CTDSP2: variants seen among roughly 807,000 people sequenced by gnomAD.
CTDSP2 encodes carboxy-terminal domain RNA polymerase II polypeptide A small phosphatase 2.
Under a neutral mutation model 31.6 loss-of-function variants are expected in CTDSP2, and 9 were observed. The observed-to-expected ratio is 0.28, with a 90% CI of 0.17 to 0.50. The LOEUF (loss-of-function observed/expected upper bound fraction) is 0.50. Ranked by LOEUF, CTDSP2 falls within the 20% of genes least tolerant of loss-of-function variation. The pLI, the probability that CTDSP2 is intolerant of heterozygous loss-of-function variation, is 0.98. For missense variants in CTDSP2, 267 were observed against 348.5 expected (o/e 0.77, Z 1.86); for synonymous variants, 134 against 134.5 (o/e 1.00, Z 0.03).
At position 57,821,103 on chromosome 12, in the gene CTDSP2, TAC is replaced by T. The variant is rs1956142234; in HGVS notation, c.*2497_*2498del. Reference sequence around the variant, plus strand: ...CCTGATTCCTTTGAGGAGCAAATTTTACAATCATCCCTCACCCTAACACACGG... The same window carrying T: ...CCTGATTCCTTTGAGGAGCAAATTTTAATCATCCCTCACCCTAACACACGG... On this transcript the variant is annotated 3_prime_UTR_variant, in exon 8 of 8. Transcript: ENST00000398073. 6.6e-6 allele frequency: 1 copy of T among 152,260 alleles called. No individual in the cohort carries two copies. The highest frequency in any genetic ancestry group is 2.1e-4 in the South Asian group (1 of 4,834). 9.4% of individuals were successfully genotyped at this position (152,260 alleles called of 1,614,324 possible).
At chr12:57,843,305 T>C (rs1434172982) in intron 1 of CTDSP2, among the ~76,000 whole-genome samples, 1 of 152,250 alleles carries the variant, frequency 6.6e-6, no homozygotes, top group African/African-American at 2.4e-5. Flanking sequence ...ACAGCCATTC[T>C]TGCCAAGCTG....
chr12:57,829,807 C>G (rs1956204310), intron 1 of CTDSP2, among the ~76,000 whole-genome samples: 1 of 152,214 alleles, frequency 6.6e-6, no homozygotes, highest in African/African-American at 2.4e-5. Context: ...TCCCCACTCT[C>G]TGGCTTGGGA....
chr12:57,831,538 T>C (rs994208487), intron 1 of CTDSP2, among the ~76,000 whole-genome samples: 3 of 152,136 alleles, frequency 2.0e-5, no homozygotes, highest in Admixed American at 6.5e-5. Context: ...AAAGATACAA[T>C]GGTCACTGTG....
At chr12:57,846,294 G>A in intron 1 of CTDSP2, 78 bp downstream of exon 1, 1 of 1,383,938 alleles carries the variant, frequency 7.2e-7, no homozygotes, top group Non-Finnish European at 1.0e-6. Flanking sequence ...GTCAAGGGCC[G>A]AGACCTGGGT....
Position 57,846,575 on chromosome 12 carries a change from G to A in CTDSP2, c.-140C>T. ...CACAGCTGTTCACATCCCCCCTCTCGTTTCCTCCCCGGACCGGGAAGGGAG... is the reference window on the plus strand; with the variant it reads ...CACAGCTGTTCACATCCCCCCTCTCATTTCCTCCCCGGACCGGGAAGGGAG... On this transcript the variant is annotated 5_prime_UTR_variant, in exon 1 of 8. It adds an upstream start codon to the 5' untranslated region. Coordinates refer to ENST00000398073, the MANE Select transcript of CTDSP2 (RefSeq NM_005730.4). 3 of 682,984 alleles carry A rather than the reference G, an allele frequency of 4.4e-6. No homozygotes were observed. Among genetic ancestry groups the A allele is most frequent in the Non-Finnish European group, 6.7e-6 (3 of 446,782 alleles). The allele number at this position is 682,984 out of a possible 1,614,324, so 42.3% of individuals were successfully genotyped here. A position where few individuals can be genotyped will look rare whatever the true frequency, so the allele number is the denominator to read the frequency against.
chr12:57,832,612 T>C (rs367811985), intron 1 of CTDSP2, among the ~76,000 whole-genome samples: 8 of 151,194 alleles, frequency 5.3e-5, no homozygotes, highest in African/African-American at 1.9e-4. Context: ...GCCAACATGG[T>C]GAAACACCGT....
intron 5 of CTDSP2, 155 bp from the exon 6 acceptor site, chr12:57,824,474 C>T: frequency 1.5e-6 from 1 of 680,218 alleles, no homozygotes; most frequent in South Asian, 1.6e-5. Flanking sequence ...CCCCTGAGAC[C>T]CCACAGACCC....
chr12:57,845,640 G>C (rs1372366028), intron 1 of CTDSP2: 1 of 152,408 alleles, frequency 6.6e-6, no homozygotes, highest in East Asian at 1.9e-4. Context: ...GTGCAGCGCC[G>C]GCCCCGGGGG....
In CTDSP2 at chr12:57,829,506, T is replaced by C. The variant is rs373703024; in HGVS notation, c.155A>G (p.Gln52Arg). 20 of 1,614,200 alleles carry C rather than the reference T, an allele frequency of 1.2e-5. No homozygotes were observed. In the African/African-American group the frequency reaches 2.7e-4, roughly 22 times the overall value. ...AGCGAGCTCAGTGGAGGAACTTGAC[T>C]GGCCAACATGCTGGGCGCGAAAACA... ...FCCFRAQHVG[Q>R]SSSSTELAAY... Residue 52 changes from glutamine (Q) to arginine (R), a missense_variant, in exon 2 of 8, where the codon CAG (glutamine) becomes CGG (arginine). Coordinates refer to ENST00000398073, the MANE Select transcript of CTDSP2 (RefSeq NM_005730.4).
At chr12:57,833,590 T>C (rs1474534357) in intron 1 of CTDSP2, among the ~76,000 whole-genome samples, 8 of 152,236 alleles carry the variant, frequency 5.3e-5, no homozygotes, top group Non-Finnish European at 8.8e-5. Context: ...AGGCCTACAA[T>C]GGCCCCAACC....
At chr12:57,839,440 C>T (rs900132442) in intron 1 of CTDSP2, among the ~76,000 whole-genome samples, 3 of 152,182 alleles carry the variant, frequency 2.0e-5, no homozygotes, top group Non-Finnish European at 2.9e-5. Flanking sequence ...AATGTTAGGC[C>T]GGGCACGGTG....
In CTDSP2 at chr12:57,824,251, A is replaced by G. The variant is rs1169848135; in HGVS notation, c.480T>C (p.Val160=). The change falls in exon 6 of 8, where the codon GTT becomes GTC. Residue 160 remains valine, a synonymous_variant. Transcript: ENST00000398073. The part of the protein sequence containing the change: ...LRRMGELFEC[V]LFTASLAKYA... The stretch of plus-strand genomic sequence containing the variant: ...CCTTGGCCAGGCTGGCAGTGAAGAG[A>G]ACACATTCAAAGAGTTCCCCCATGC... 2 of 1,614,008 alleles carry G rather than the reference A, an allele frequency of 1.2e-6. No individual in the cohort carries two copies. Among genetic ancestry groups the G allele is most frequent in the Non-Finnish European group, 1.7e-6 (2 of 1,179,960 alleles).
chr12:57,844,968 A>G (rs1474245432), intron 1 of CTDSP2, among the ~76,000 whole-genome samples: 1 of 145,718 alleles, frequency 6.9e-6, no homozygotes, highest in Admixed American at 6.8e-5. Flanking sequence ...TGACACCACC[A>G]ACTCAGCGGA....
At position 57,846,574 on chromosome 12, in the gene CTDSP2, C is replaced by T. The variant is rs1163049085; in HGVS notation, c.-139G>A. ...CCACAGCTGTTCACATCCCCCCTCT[C>T]GTTTCCTCCCCGGACCGGGAAGGGA... On this transcript the variant is annotated 5_prime_UTR_variant, in exon 1 of 8. Coordinates refer to ENST00000398073, the MANE Select transcript of CTDSP2 (RefSeq NM_005730.4). The T allele has an allele frequency of 4.4e-6, 3 of 683,178 alleles. No individual in the cohort carries two copies. Among genetic ancestry groups the T allele is most frequent in the Non-Finnish European group, 6.7e-6 (3 of 447,036 alleles). 42.3% of individuals were successfully genotyped at this position (683,178 alleles called of 1,614,324 possible). A position where few individuals can be genotyped will look rare whatever the true frequency, so the allele number is the denominator to read the frequency against.
At position 57,820,014 on chromosome 12, in the gene CTDSP2, G is replaced by A. The variant is rs146355634; in HGVS notation, c.*3588C>T. 5.0e-4 allele frequency: 77 copies of A among 152,708 alleles called. 1 individual carries two copies. Among genetic ancestry groups the A allele is most frequent in the African/African-American group, 1.6e-3 (68 of 41,558 alleles). 9.5% of individuals were successfully genotyped at this position (152,708 alleles called of 1,614,324 possible). A position where few individuals can be genotyped will look rare whatever the true frequency, so the allele number is the denominator to read the frequency against. On this transcript the variant is annotated 3_prime_UTR_variant, in exon 8 of 8. Transcript: ENST00000398073. The stretch of plus-strand genomic sequence containing the variant: ...AAAATATAAACAGACACTTAATGGC[G>A]TCCTGCATTTCAAGTTTTTGAATAC...
chr12:57,823,600 G>C lies in CTDSP2; in HGVS notation c.*2C>G. The C allele has an allele frequency of 6.2e-7, 1 of 1,613,766 alleles. No individual in the cohort carries two copies. The highest frequency in any genetic ancestry group is 8.5e-7 in the Non-Finnish European group (1 of 1,179,958). On this transcript the variant is annotated 3_prime_UTR_variant, in exon 8 of 8. Transcript: ENST00000398073. ...ATGGCCGTCGCTTGGAAGCAGGGCA[G>C]GCTAAGGGGCCCGCAGCTGCCCAAG...
intron 2 of CTDSP2, among the ~76,000 whole-genome samples, chr12:57,828,939 G>C (rs574036359): frequency 1.3e-5 from 2 of 152,244 alleles, no homozygotes; most frequent in Non-Finnish European, 2.9e-5. Flanking sequence ...GCATGGTAGA[G>C]TTTCAATTCC....
intron 1 of CTDSP2, among the ~76,000 whole-genome samples, chr12:57,845,759 G>A (rs902305289): frequency 6.6e-6 from 1 of 152,032 alleles, no homozygotes; most frequent in Non-Finnish European, 1.5e-5. Flanking sequence ...CCAAGGTCCC[G>A]GGGCCTGCGC....
intron 1 of CTDSP2, among the ~76,000 whole-genome samples, chr12:57,836,828 C>T (rs778018280): frequency 8.5e-5 from 13 of 152,214 alleles, no homozygotes; most frequent in Non-Finnish European, 1.9e-4. Context: ...GCCTGCGATT[C>T]AGCAGAAGGT....
Sources: gnomAD v4.1 joint callset for allele counts (sites outside exome capture counted in the v4.1 genomes callset) on GRCh38, gnomAD v4.1.1 for gene constraint, MANE v1.5 for transcripts, NCBI Gene and HGNC (gene_info 2026-07-23, HGNC 2026-07-21) for gene names.